Variants in C12orf54 observed in about 807,000 individuals in gnomAD.
The protein encoded by C12orf54 is uncharacterized protein C12orf54.
Under a neutral mutation model 26.4 loss-of-function variants are expected in C12orf54, and 24 were observed. The observed-to-expected ratio is 0.91, with a 90% CI of 0.66 to 1.28. The LOEUF is 1.28. Ranked by LOEUF, C12orf54 falls within the 50% of genes most tolerant of loss-of-function variation. C12orf54 has a pLI of 0.00. For synonymous variants in C12orf54, 54 were observed against 47.0 expected, an observed-to-expected ratio of 1.15 and a Z score of -0.61; for missense variants, 154 against 150.9, an observed-to-expected ratio of 1.02 and a Z score of -0.11.
chr12:48,442,703 T>C, the C12orf54 span: 1 of 163,538 alleles, frequency 6.1e-6, no homozygotes, highest in Non-Finnish European at 1.4e-5. Context: ...AGACAGGAGG[T>C]TCTCCAACAG....
At chr12:48,486,537 G>C in intron 3 of C12orf54, 151 bp from the exon 4 acceptor site, 1 of 753,138 alleles carries the variant, frequency 1.3e-6, no homozygotes, top group Non-Finnish European at 2.2e-6. Context: ...AGGGCTGCAG[G>C]AGACTTTTGG....
chr12:48,456,294 T>C, the C12orf54 span, among the ~76,000 whole-genome samples: 1 of 152,174 alleles, frequency 6.6e-6, no homozygotes, highest in African/African-American at 2.4e-5. Context: ...TAATGCAGTA[T>C]AGTAAGTTAT....
At chr12:48,460,758 C>T in the C12orf54 span, among the ~76,000 whole-genome samples, 3 of 151,912 alleles carry the variant, frequency 2.0e-5, no homozygotes, top group South Asian at 2.1e-4. Flanking sequence ...AGCTATAAAC[C>T]ATAAAGCAGC....
the C12orf54 span, among the ~76,000 whole-genome samples, chr12:48,458,814 G>A: frequency 1.3e-5 from 2 of 151,484 alleles, no homozygotes; most frequent in Non-Finnish European, 2.9e-5. Context: ...AAACGATTAA[G>A]CATGCATGAG....
rs75671815 is a variant in C12orf54 at position 48,492,303 on chromosome 12, G to A, written c.194-644G>A. On this transcript the variant is annotated intron_variant, in intron 6 of 8. Transcript: ENST00000548364. ...GCCCATCACCTCCACTCCAGAACTA[G>A]GAACTATGGCCTCCACTGTGAGATC... Among the ~76,000 whole-genome samples the A allele has an allele frequency of 2.3e-4, 35 of 152,300 alleles. No homozygotes were observed. The East Asian group carries it at 5.6e-3, about 24-fold the overall frequency.
the C12orf54 span, among the ~76,000 whole-genome samples, chr12:48,458,759 A>G: frequency 2.0e-5 from 3 of 150,746 alleles, no homozygotes; most frequent in Non-Finnish European, 4.4e-5. Context: ...ACCAAACCTC[A>G]TACCTCATCC....
At chr12:48,415,544 G>A in the C12orf54 span, among the ~76,000 whole-genome samples, 1 of 152,086 alleles carries the variant, frequency 6.6e-6, no homozygotes, top group Admixed American at 6.5e-5. Context: ...CTTGGCTTTT[G>A]TGATACAAAA....
the C12orf54 span, among the ~76,000 whole-genome samples, chr12:48,462,400 C>G: frequency 0.89 from 135,250 of 151,470 alleles, 60,416 homozygotes; most frequent in East Asian, 0.97. Flanking sequence ...GTGATGCCAA[C>G]ATTATTATGA....
the C12orf54 span, among the ~76,000 whole-genome samples, chr12:48,448,175 A>G: frequency 6.6e-6 from 1 of 152,206 alleles, no homozygotes; most frequent in Non-Finnish European, 1.5e-5. Flanking sequence ...GAAACCATGT[A>G]AGCCACTCGG....
At chr12:48,428,491 C>G in the C12orf54 span, among the ~76,000 whole-genome samples, 1 of 152,138 alleles carries the variant, frequency 6.6e-6, no homozygotes, top group East Asian at 1.9e-4. Flanking sequence ...GAAGATATTA[C>G]AACTGACACC....
At chr12:48,458,258 A>G in the C12orf54 span, among the ~76,000 whole-genome samples, 1 of 152,244 alleles carries the variant, frequency 6.6e-6, no homozygotes, top group Non-Finnish European at 1.5e-5. Flanking sequence ...GCAGCTAGTG[A>G]GGAGAATATT....
the C12orf54 span, among the ~76,000 whole-genome samples, chr12:48,425,427 A>T: frequency 1.1e-4 from 16 of 152,062 alleles, no homozygotes; most frequent in African/African-American, 3.9e-4. Flanking sequence ...TTATGATTGC[A>T]TGGCATTCTG....
At chr12:48,460,214 G>A in the C12orf54 span, among the ~76,000 whole-genome samples, 1 of 151,406 alleles carries the variant, frequency 6.6e-6, no homozygotes, top group Non-Finnish European at 1.5e-5. Context: ...GATTTTGGGG[G>A]TCATACAGCC....
At chr12:48,488,855 T>C in intron 4 of C12orf54, 69 bp from the exon 5 acceptor site, 1 of 1,347,952 alleles carries the variant, frequency 7.4e-7, no homozygotes, top group Non-Finnish European at 1.1e-6. Flanking sequence ...TAATTTTATA[T>C]GTGAAATCCC....
chr12:48,486,352 G>A lies in C12orf54; in HGVS notation c.96+144G>A, dbSNP rs1195973890. Reference sequence around the variant, plus strand: ...TGCCCTTGACTGGCTGGTGGAGTGGGTCATTGTCTACCAAACCAGGTAACG... The same window carrying A: ...TGCCCTTGACTGGCTGGTGGAGTGGATCATTGTCTACCAAACCAGGTAACG... On this transcript the variant is annotated intron_variant, in intron 3 of 8. Coordinates refer to ENST00000548364, the MANE Select transcript of C12orf54 (RefSeq NM_152319.4). 5.0e-6 allele frequency: 4 copies of A among 793,700 alleles called. No individual in the cohort carries two copies. In the African/African-American group the frequency reaches 5.2e-5, roughly 10 times the overall value. 49.2% of individuals were successfully genotyped at this position (793,700 alleles called of 1,614,324 possible). A position where few individuals can be genotyped will look rare whatever the true frequency, so the allele number is the denominator to read the frequency against.
At chr12:48,492,566 G>A (rs1937813686) in intron 6 of C12orf54, among the ~76,000 whole-genome samples, 1 of 152,118 alleles carries the variant, frequency 6.6e-6, no homozygotes, top group South Asian at 2.1e-4. Context: ...AGGGAGGGAG[G>A]GTGAAATCCA....
At chr12:48,430,204 G>A in the C12orf54 span, among the ~76,000 whole-genome samples, 1 of 152,158 alleles carries the variant, frequency 6.6e-6, no homozygotes, top group South Asian at 2.1e-4. Flanking sequence ...GAAAATTCTA[G>A]AAGATAACAT....
chr12:48,473,141 T>C, the C12orf54 span: 501 of 1,594,082 alleles, frequency 3.1e-4, 4 homozygotes, highest in African/African-American at 6.1e-3. Context: ...CTAACTCGGA[T>C]GGTGAGGGCT....
the C12orf54 span, among the ~76,000 whole-genome samples, chr12:48,457,634 A>T: frequency 1.3e-5 from 2 of 152,068 alleles, no homozygotes; most frequent in Non-Finnish European, 1.5e-5. Context: ...TGCCAGGGAA[A>T]ATTGTTCTGA....
Sources: gnomAD v4.1 joint callset for allele counts (sites outside exome capture counted in the v4.1 genomes callset) on GRCh38, gnomAD v4.1.1 for gene constraint, MANE v1.5 for transcripts, NCBI Gene and HGNC (gene_info 2026-07-23, HGNC 2026-07-21) for gene names.